The following ABCG1 variants were observed in gnomAD, a reference collection of about 807,000 sequenced individuals.
The protein encoded by ABCG1 is ATP binding cassette subfamily G member 1.
In ABCG1, 29 loss-of-function variants were observed where a neutral mutation model predicts 69.2. The ratio of observed to expected loss-of-function variants is 0.42; its 90% confidence interval spans 0.31 to 0.57. The LOEUF (loss-of-function observed/expected upper bound fraction) is 0.57, where lower values mean the gene tolerates loss of function less well. Ranked by LOEUF, ABCG1 falls within the 20% of genes least tolerant of loss-of-function variation. ABCG1 has a pLI of 0.15. For synonymous variants in ABCG1, 370 were observed against 374.8 expected, an observed-to-expected ratio of 0.99 and a Z score of 0.15; for missense variants, 718 against 898.1, an observed-to-expected ratio of 0.80 and a Z score of 2.56.
intron 2 of ABCG1, among the ~76,000 whole-genome samples, chr21:42,257,989 C>T (rs145978357): frequency 0.015 from 2,141 of 138,348 alleles, 53 homozygotes; most frequent in African/African-American, 0.057. Flanking sequence ...TTTACTCCAT[C>T]CATCCTTCCT....
At chr21:42,275,295 A>G (rs2068689960) in intron 4 of ABCG1, among the ~76,000 whole-genome samples, 1 of 152,118 alleles carries the variant, frequency 6.6e-6, no homozygotes. Context: ...TCTGTGGGTA[A>G]GCAGACGCCA....
chr21:42,290,001 C>T lies in ABCG1; in HGVS notation c.1225-49C>T, dbSNP rs4148138. On this transcript the variant is annotated intron_variant, in intron 10 of 14. Coordinates refer to ENST00000398449, the MANE Select transcript of ABCG1 (RefSeq NM_016818.3). ...GCCGCATCCGGGTTGTTCTCTGAGC[C>T]GAGGACGGCTTTGCGAACGCACTGG... 1.6e-3 allele frequency: 2,633 copies of T among 1,612,604 alleles called. 34 individuals carry two copies. In the East Asian group the frequency reaches 0.037, roughly 23 times the overall value.
In ABCG1 at chr21:42,276,956, T is replaced by G. The variant is rs964943930; in HGVS notation, c.588+11T>G. 1.9e-6 allele frequency: 3 copies of G among 1,614,092 alleles called. No individual in the cohort carries two copies. The highest frequency in any genetic ancestry group is 2.5e-6 in the Non-Finnish European group (3 of 1,179,952). On this transcript the variant is annotated intron_variant, in intron 5 of 14. Coordinates refer to ENST00000398449, the MANE Select transcript of ABCG1 (RefSeq NM_016818.3). The surrounding 1 kb of genome is among the most constrained non-coding windows in gnomAD (Gnocchi z 5.3). ...GGCAGAAGGGAAATGGTAAGTGGGTTGTTTGGTGCCCACAAGTGGTCCAGA... is the reference window on the plus strand; with the variant it reads ...GGCAGAAGGGAAATGGTAAGTGGGTGGTTTGGTGCCCACAAGTGGTCCAGA...
intron 2 of ABCG1, among the ~76,000 whole-genome samples, chr21:42,205,465 G>C (rs1047008052): frequency 6.6e-6 from 1 of 152,034 alleles, no homozygotes; most frequent in Non-Finnish European, 1.5e-5. Context: ...TGGGTGTGGT[G>C]GTGGGCACCT....
chr21:42,251,291 G>T (rs17114581), intron 2 of ABCG1, among the ~76,000 whole-genome samples: 1 of 152,130 alleles, frequency 6.6e-6, no homozygotes, highest in South Asian at 2.1e-4. Context: ...AGGCCCAACC[G>T]GGTGGCAAAT....
upstream of ABCG1, among the ~76,000 whole-genome samples, chr21:42,212,389 G>T (rs2067597499): frequency 6.6e-6 from 1 of 152,180 alleles, no homozygotes; most frequent in Non-Finnish European, 1.5e-5. Flanking sequence ...AAGACACAGA[G>T]CCTCCGAGAT....
intron 10 of ABCG1, 48 bp from the exon 11 acceptor site, chr21:42,290,002 G>A (rs367935026): frequency 2.6e-5 from 42 of 1,613,018 alleles, no homozygotes; most frequent in Non-Finnish European, 3.1e-5. Context: ...TCTCTGAGCC[G>A]AGGACGGCTT....
intron 2 of ABCG1, among the ~76,000 whole-genome samples, chr21:42,235,898 G>C (rs775618907): frequency 2.0e-5 from 3 of 152,236 alleles, no homozygotes; most frequent in Non-Finnish European, 2.9e-5. Flanking sequence ...GCCAAGGAGG[G>C]AGTCCATCCC....
intron 2 of ABCG1, among the ~76,000 whole-genome samples, chr21:42,250,912 C>A (rs2068209990): frequency 6.6e-6 from 1 of 152,126 alleles, no homozygotes; most frequent in Non-Finnish European, 1.5e-5. Flanking sequence ...GAGAGACCCA[C>A]CAGACACATG....
intron 2 of ABCG1, chr21:42,256,103 G>T: frequency 7.6e-7 from 1 of 1,308,880 alleles, no homozygotes; most frequent in African/African-American, 1.5e-5. Context: ...AGGGTCTCTG[G>T]GTGAGGCCCG....
At chr21:42,214,403 C>T (rs894338048), upstream of ABCG1, among the ~76,000 whole-genome samples, 14 of 152,240 alleles carry the variant, frequency 9.2e-5, no homozygotes, top group African/African-American at 3.4e-4. Context: ...TTACAGATTT[C>T]CCAGTCTACG....
intron 2 of ABCG1, among the ~76,000 whole-genome samples, chr21:42,252,598 C>T (rs1467891289): frequency 6.6e-6 from 1 of 152,068 alleles, no homozygotes; most frequent in Non-Finnish European, 1.5e-5. Context: ...TATGATTTTT[C>T]TTTAGCGGGG....
intron 2 of ABCG1, among the ~76,000 whole-genome samples, chr21:42,238,149 A>G (rs1292059875): frequency 1.3e-5 from 2 of 152,204 alleles, no homozygotes; most frequent in Non-Finnish European, 2.9e-5. Flanking sequence ...TAATAGTATT[A>G]GCTTGGTATT....
At position 42,225,816 on chromosome 21, in the gene ABCG1, C is replaced by T. The variant is rs1307904148; in HGVS notation, c.188C>T (p.Ala63Val). ...LKKVDNNLTE[A>V]QRFSSLPRRA... ...AAAGTAGATAATAACCTCACGGAAG[C>T]CCAGCGCTTCTCCTCCTTGCCTCGG... is the stretch of plus-strand genomic sequence containing the variant. The change falls in exon 2 of 15, where the codon GCC becomes GTC. Residue 63 changes from alanine (A) to valine (V), a missense_variant. Physicochemically the swap from Ala to Val is moderately conservative, Grantham distance 64. Transcript: ENST00000398449. The T allele has an allele frequency of 6.2e-7, 1 of 1,613,766 alleles. No homozygotes were observed. The highest frequency in any genetic ancestry group is 8.5e-7 in the Non-Finnish European group (1 of 1,179,984).
At chr21:42,293,628 C>CCA (rs1169773952) in intron 13 of ABCG1, among the ~76,000 whole-genome samples, 9 of 145,768 alleles carry the variant, frequency 6.2e-5, no homozygotes, top group Non-Finnish European at 1.5e-5. Context: ...ACACTACACA[C>CCA]CACACACACA....
At chr21:42,284,381 C>G (rs1435805783) in intron 6 of ABCG1, among the ~76,000 whole-genome samples, 179 bp from the exon 7 acceptor site, 1 of 152,168 alleles carries the variant, frequency 6.6e-6, no homozygotes, top group African/African-American at 2.4e-5. Context: ...TGCTGTGTGC[C>G]CTGCCACTGA....
intron 2 of ABCG1, chr21:42,256,389 T>C: frequency 6.5e-7 from 1 of 1,550,336 alleles, no homozygotes; most frequent in Non-Finnish European, 8.7e-7. Flanking sequence ...GCCATTCTCT[T>C]GGCCAGACTG....
At position 42,276,848 on chromosome 21, in the gene ABCG1, A is replaced by G; in HGVS notation, c.538-47A>G. 2.5e-6 allele frequency: 4 copies of G among 1,606,052 alleles called. No individual in the cohort carries two copies. Among genetic ancestry groups the G allele is most frequent in the Non-Finnish European group, 3.4e-6 (4 of 1,173,266 alleles). On this transcript the variant is annotated intron_variant, in intron 4 of 14. Coordinates refer to ENST00000398449, the MANE Select transcript of ABCG1 (RefSeq NM_016818.3). The surrounding 1 kb of genome is among the most constrained non-coding windows in gnomAD (Gnocchi z 5.3). ...GTGCGGGCATGAGGCTCACACTGCC[A>G]GTGGCCGTCTGTTCTGCTTCCACAC...
chr21:42,225,094 A>T (rs2067794206), intron 1 of ABCG1, among the ~76,000 whole-genome samples: 1 of 152,200 alleles, frequency 6.6e-6, no homozygotes, highest in South Asian at 2.1e-4. Flanking sequence ...ACTTTTCAGC[A>T]CTATTATGAA....
Sources: gnomAD v4.1 joint callset for allele counts (sites outside exome capture counted in the v4.1 genomes callset) on GRCh38, gnomAD v4.1.1 for gene constraint, Gnocchi (gnomAD v3.1) non-coding constraint, MANE v1.5 for transcripts, NCBI Gene and HGNC (gene_info 2026-07-23, HGNC 2026-07-21) for gene names.